The following DTNA variants were observed in gnomAD, a reference collection of about 807,000 sequenced individuals.
DTNA encodes dystrobrevin alpha, also known as dystrophin-related protein 3.
In DTNA, 43 loss-of-function variants were observed where a neutral mutation model predicts 100.7. The ratio of observed to expected loss-of-function variants is 0.43; its 90% CI spans 0.33 to 0.55. The LOEUF is 0.55. Among genes scored for constraint, DTNA ranks in the 20% least tolerant of loss-of-function variants. The pLI is 0.04. For missense variants in DTNA, 798 were observed against 953.9 expected, an observed-to-expected ratio of 0.84 and a Z score of 2.15; for synonymous variants, 349 against 347.9, an observed-to-expected ratio of 1.00 and a Z score of -0.04.
chr18:34,626,081 CTTGTGATTA>C (rs1476455157), intron 1 of DTNA, among the ~76,000 whole-genome samples: 1 of 152,126 alleles, frequency 6.6e-6, no homozygotes, highest in African/African-American at 2.4e-5. Context: ...AAAGATTAGG[CTTGTGATTA>C]TTGCTTTTTT....
At position 34,648,264 on chromosome 18, in the gene DTNA, G is replaced by A. The variant is rs191522007; in HGVS notation, c.-1-107712G>A. 3.6e-3 allele frequency among the ~76,000 whole-genome samples: 543 copies of A among 152,248 alleles called. 15 individuals are homozygous for A. Among genetic ancestry groups the A allele is most frequent in the Admixed American group, 0.031 (474 of 15,290 alleles). On this transcript the variant is annotated intron_variant, in intron 1 of 19. Transcript: ENST00000283365. ...GTTTATAACGTATGTCTAGCCTTTT[G>A]GTCTTTCCACAGTCACGATGAAAAG...
At chr18:34,659,625 CACACACAG>C (rs1252414479) in intron 1 of DTNA, among the ~76,000 whole-genome samples, 13 of 141,930 alleles carry the variant, frequency 9.2e-5, no homozygotes, top group African/African-American at 3.8e-4. Flanking sequence ...TACACACAGA[CACACACAG>C]ACACACACAC....
intron 1 of DTNA, among the ~76,000 whole-genome samples, chr18:34,512,785 A>G (rs536312397): frequency 5.3e-5 from 8 of 152,048 alleles, no homozygotes; most frequent in Non-Finnish European, 1.0e-4. Context: ...ACCCTTTCCA[A>G]TGCTTACATA....
At chr18:34,654,621 T>TA (rs1344303153) in intron 1 of DTNA, among the ~76,000 whole-genome samples, 1 of 152,186 alleles carries the variant, frequency 6.6e-6, no homozygotes, top group Non-Finnish European at 1.5e-5. Flanking sequence ...GGGTACATTC[T>TA]AAAAAAATAC....
At chr18:34,864,494 C>A (rs185652817) in intron 17 of DTNA, among the ~76,000 whole-genome samples, 258 of 152,206 alleles carry the variant, frequency 1.7e-3, no homozygotes, top group African/African-American at 5.7e-3. Context: ...ACCTCGTGAT[C>A]CGCCCGCCTC....
At chr18:34,512,879 A>T (rs1004673231) in intron 1 of DTNA, among the ~76,000 whole-genome samples, 9 of 152,066 alleles carry the variant, frequency 5.9e-5, no homozygotes, top group Non-Finnish European at 1.0e-4. Flanking sequence ...TTCCACTGTG[A>T]TGAAAAGTAA....
At chr18:34,693,772 G>C (rs2080119360) in intron 1 of DTNA, among the ~76,000 whole-genome samples, 1 of 151,138 alleles carries the variant, frequency 6.6e-6, no homozygotes, top group Admixed American at 6.6e-5. Flanking sequence ...GTGTGTGTGT[G>C]TGTGTGTGTG....
At chr18:34,800,640 A>G (rs2095172035) in intron 4 of DTNA, among the ~76,000 whole-genome samples, 1 of 152,198 alleles carries the variant, frequency 6.6e-6, no homozygotes, top group Admixed American at 6.5e-5. Context: ...ATGTTGGTAA[A>G]AGAAGAGCTT....
At chr18:34,866,000 T>C in intron 17 of DTNA, 1 of 1,231,036 alleles carries the variant, frequency 8.1e-7, no homozygotes, top group Non-Finnish European at 1.2e-6. Flanking sequence ...GGCCTGGACC[T>C]GCCGTCAAAG....
At chr18:34,858,545 T>C (rs2096579519) in intron 16 of DTNA, 147 bp downstream of exon 16, 1 of 782,262 alleles carries the variant, frequency 1.3e-6, no homozygotes, top group Non-Finnish European at 2.2e-6. Flanking sequence ...ATTGCTGATA[T>C]TTGGGGGATT....
At chr18:34,578,136 GTTT>G (rs546255407) in intron 1 of DTNA, among the ~76,000 whole-genome samples, 15,361 of 148,502 alleles carry the variant, frequency 0.1, 1,114 homozygotes, top group African/African-American at 0.2. Flanking sequence ...TCTACTATGT[GTTT>G]TTTTTTTATT....
intron 3 of DTNA, among the ~76,000 whole-genome samples, chr18:34,788,695 C>A (rs1349434829): frequency 6.6e-6 from 1 of 152,238 alleles, no homozygotes; most frequent in East Asian, 1.9e-4. Flanking sequence ...TTAAACTCCA[C>A]TAACTCAAAA....
At chr18:34,703,188 A>T (rs1019106644) in intron 1 of DTNA, among the ~76,000 whole-genome samples, 6 of 152,194 alleles carry the variant, frequency 3.9e-5, no homozygotes, top group Non-Finnish European at 7.3e-5. Context: ...TAAATACAAA[A>T]CTGGTCATCA....
At chr18:34,821,109 G>A (rs2095705265) in intron 9 of DTNA, 194 bp downstream of exon 9, 2 of 766,140 alleles carry the variant, frequency 2.6e-6, no homozygotes, top group Non-Finnish European at 4.5e-6. Flanking sequence ...GGCTGGACAA[G>A]TAAAGTATGC....
At chr18:34,661,784 T>A (rs149427207) in intron 1 of DTNA, among the ~76,000 whole-genome samples, 1 of 152,102 alleles carries the variant, frequency 6.6e-6, no homozygotes, top group East Asian at 1.9e-4. Flanking sequence ...GTCAGTGAGA[T>A]CATGGAGGGA....
intron 1 of DTNA, among the ~76,000 whole-genome samples, chr18:34,546,956 C>A (rs1422523238): frequency 1.3e-5 from 2 of 151,926 alleles, no homozygotes; most frequent in Non-Finnish European, 2.9e-5. Context: ...ATCCACCCAC[C>A]TCGGCCTCCC....
intron 1 of DTNA, among the ~76,000 whole-genome samples, chr18:34,605,865 A>T (rs2052979460): frequency 6.6e-6 from 1 of 152,198 alleles, no homozygotes; most frequent in Non-Finnish European, 1.5e-5. Flanking sequence ...AGGATTTAGC[A>T]TTGCCTTCAC....
chr18:34,735,629 C>A (rs1342909277), intron 1 of DTNA, among the ~76,000 whole-genome samples: 2 of 152,108 alleles, frequency 1.3e-5, no homozygotes, highest in Non-Finnish European at 2.9e-5. Flanking sequence ...TGTTGCAACA[C>A]ATTATCATTC....
At chr18:34,828,955 T>C (rs146313578) in intron 10 of DTNA, 3 of 1,460,622 alleles carry the variant, frequency 2.1e-6, no homozygotes, top group East Asian at 2.3e-5. Context: ...TAGAAATATG[T>C]ACTTTTATTA....
Sources: allele counts gnomAD v4.1 joint callset (sites outside exome capture counted in the v4.1 genomes callset), GRCh38; gene constraint gnomAD v4.1.1; transcripts MANE v1.5; gene names NCBI Gene and HGNC (gene_info 2026-07-23, HGNC 2026-07-21).